Variants in ANKLE2 observed in about 807,000 individuals in gnomAD.
ANKLE2 encodes ankyrin repeat and LEM domain-containing protein 2.
ANKLE2 carries 55 observed loss-of-function variants against 84.2 expected under a neutral mutation model. The ratio of observed to expected loss-of-function variants is 0.65; its 90% CI spans 0.53 to 0.82. The LOEUF (loss-of-function observed/expected upper bound fraction) is 0.82. Among genes scored for constraint, ANKLE2 ranks in the 40% least tolerant of loss-of-function variants. ANKLE2 has a pLI of 0.00. For synonymous variants in ANKLE2, 551 were observed against 486.1 expected (o/e 1.13, Z -1.76); for missense variants, 1,238 against 1,201.9 (o/e 1.03, Z -0.44).
At chr12:132,746,120 G>T (rs558262078) in intron 5 of ANKLE2, among the ~76,000 whole-genome samples, 3 of 151,730 alleles carry the variant, frequency 2.0e-5, no homozygotes, top group Non-Finnish European at 1.5e-5. Context: ...AGGCCAAGGC[G>T]GGCCGATCAC....
chr12:132,747,494 G>A (rs560991396), intron 5 of ANKLE2, among the ~76,000 whole-genome samples: 7 of 152,326 alleles, frequency 4.6e-5, no homozygotes, highest in Non-Finnish European at 8.8e-5. Context: ...CCTGTGGTGT[G>A]CACAGCTCTG....
At chr12:132,746,348 CAAAA>C (rs566130639) in intron 5 of ANKLE2, among the ~76,000 whole-genome samples, 6 of 66,518 alleles carry the variant, frequency 9.0e-5, no homozygotes, top group African/African-American at 2.2e-4. Flanking sequence ...GACTCTGTCT[CAAAA>C]AAAAAAAAAA....
rs368702901 is a variant in ANKLE2 at position 132,755,123 on chromosome 12, T to G, written c.192A>C (p.Thr64=). Residue 64 remains threonine (T), a synonymous_variant, in exon 2 of 13, where the codon ACA becomes ACC. Coordinates refer to ENST00000357997, the MANE Select transcript of ANKLE2 (RefSeq NM_015114.3). ...TCAATCGAGCCAACAGAGCATCCAT[T>G]GTCATTTCACCTAGGCCCAAGACAA... The part of the protein sequence containing the change: ...AAAAPASGEM[T]MDALLARLKL... 2.5e-6 allele frequency: 4 copies of G among 1,600,790 alleles called. No individual in the cohort carries two copies. The highest frequency in any genetic ancestry group is 1.3e-5 in the African/African-American group (1 of 74,502).
At chr12:132,755,282 G>A (rs1167518239) in intron 1 of ANKLE2, 149 bp from the exon 2 acceptor site, 8 of 711,538 alleles carry the variant, frequency 1.1e-5, no homozygotes, top group East Asian at 8.6e-5. Flanking sequence ...GGTGGCTCAC[G>A]CCTGTAATCC....
At chr12:132,757,003 C>T (rs559538401) in intron 1 of ANKLE2, 2 of 151,788 alleles carry the variant, frequency 1.3e-5, no homozygotes, top group Non-Finnish European at 2.9e-5. Context: ...GGGGAGACAC[C>T]CACATGGAAT....
intron 8 of ANKLE2, among the ~76,000 whole-genome samples, 175 bp downstream of exon 8, chr12:132,736,716 TTC>T (rs1019127439): frequency 3.3e-5 from 5 of 152,162 alleles, no homozygotes; most frequent in Admixed American, 6.5e-5. Context: ...GAACACACAT[TTC>T]TCTGACAAAC....
At chr12:132,748,385 T>C in intron 3 of ANKLE2, 54 bp from the exon 4 acceptor site, 1 of 1,598,128 alleles carries the variant, frequency 6.3e-7, no homozygotes, top group African/African-American at 1.3e-5. Context: ...AAGTCACTCA[T>C]CACCCATGCA....
chr12:132,735,521 A>C lies in ANKLE2; in HGVS notation c.1594-9T>G. The C allele has an allele frequency of 6.3e-7, 1 of 1,590,400 alleles. No individual in the cohort carries two copies. Among genetic ancestry groups the C allele is most frequent in the Non-Finnish European group, 8.6e-7 (1 of 1,165,336 alleles). ...TTGCGAAAATCTTCTGCCTATGAAG[A>C]AAAAAAAATGTATTGAGCCGTGTCA... is the stretch of plus-strand genomic sequence containing the variant. On this transcript the variant is annotated splice_polypyrimidine_tract_variant and intron_variant, in intron 8 of 12. Transcript: ENST00000357997.
intron 1 of ANKLE2, chr12:132,759,994 C>A (rs555280199): frequency 2.0e-5 from 3 of 151,892 alleles, no homozygotes; most frequent in African/African-American, 7.3e-5. Flanking sequence ...ATTAGCCGGG[C>A]GTGGTGGCAG....
At chr12:132,734,289 A>C (rs2136119858) in intron 10 of ANKLE2, 96 bp downstream of exon 10, 1 of 1,337,400 alleles carries the variant, frequency 7.5e-7, no homozygotes, top group East Asian at 2.4e-5. Context: ...TTACGTTAAA[A>C]ACACCAAGAG....
chr12:132,756,970 A>G (rs902715396), intron 1 of ANKLE2: 3 of 152,136 alleles, frequency 2.0e-5, no homozygotes, highest in African/African-American at 7.2e-5. Flanking sequence ...AAAAAAAGAA[A>G]TAAGTAAATA....
At chr12:132,732,613 C>T (rs565199773) in intron 10 of ANKLE2, among the ~76,000 whole-genome samples, 1,659 of 119,898 alleles carry the variant, frequency 0.014, no homozygotes, top group African/African-American at 0.051. Context: ...AAGCTCTCTG[C>T]GTCCTGGTGT....
intron 1 of ANKLE2, chr12:132,759,027 TCGC>T: frequency 7.4e-6 from 1 of 134,830 alleles, no homozygotes; most frequent in African/African-American, 3.0e-5. Context: ...GCAGAGTGGA[TCGC>T]TGCGGAGTGG....
At position 132,728,403 on chromosome 12, in the gene ANKLE2, T is replaced by C. The variant is rs1013760562; in HGVS notation, c.2484-240A>G. On this transcript the variant is annotated intron_variant, in intron 11 of 12. Transcript: ENST00000357997. The stretch of plus-strand genomic sequence containing the variant: ...GCCACCACGCCCGGCTAATTTTTTG[T>C]ATTTTTATTAGAGATAGGATTTCAC... Among the ~76,000 whole-genome samples, 13 of 152,314 alleles carry C rather than the reference T, an allele frequency of 8.5e-5. No individual in the cohort carries two copies. The South Asian group carries it at 1.7e-3, about 19-fold the overall frequency.
At chr12:132,747,570 G>A (rs1304797624) in intron 5 of ANKLE2, among the ~76,000 whole-genome samples, 2 of 152,144 alleles carry the variant, frequency 1.3e-5, no homozygotes, top group African/African-American at 4.8e-5. Flanking sequence ...AATGTCCTCT[G>A]ACAACCGTGT....
intron 5 of ANKLE2, among the ~76,000 whole-genome samples, chr12:132,744,916 G>C (rs895337991): frequency 6.6e-6 from 1 of 152,196 alleles, no homozygotes; most frequent in Non-Finnish European, 1.5e-5. Flanking sequence ...TCCTGACCTC[G>C]TGATCCGCCT....
intron 8 of ANKLE2, among the ~76,000 whole-genome samples, 181 bp from the exon 9 acceptor site, chr12:132,735,693 C>A (rs1334977764): frequency 6.6e-6 from 1 of 152,204 alleles, no homozygotes; most frequent in Non-Finnish European, 1.5e-5. Flanking sequence ...GGCCGCACGG[C>A]TGCACTCTGA....
chr12:132,730,673 G>A (rs2043824381), intron 10 of ANKLE2: 1 of 191,194 alleles, frequency 5.2e-6, no homozygotes, highest in East Asian at 1.2e-4. Context: ...AAAATTAGCT[G>A]ACATGGTGGC....
chr12:132,753,285 T>C (rs1039088242), intron 2 of ANKLE2, among the ~76,000 whole-genome samples: 1 of 151,310 alleles, frequency 6.6e-6, no homozygotes, highest in Non-Finnish European at 1.5e-5. Flanking sequence ...ATTGCATCAC[T>C]ACACCCCAAC....
Sources: gnomAD v4.1 joint callset for allele counts (sites outside exome capture counted in the v4.1 genomes callset) on GRCh38, gnomAD v4.1.1 for gene constraint, MANE v1.5 for transcripts, NCBI Gene and HGNC (gene_info 2026-07-23, HGNC 2026-07-21) for gene names.